PDXDC1: variants seen among roughly 807,000 people sequenced by gnomAD.
The protein encoded by PDXDC1 is pyridoxal-dependent decarboxylase domain-containing protein 1.
A neutral mutation model predicts 100.1 loss-of-function variants in PDXDC1; 42 were observed. The ratio of observed to expected loss-of-function variants is 0.42; its 90% confidence interval spans 0.33 to 0.54. The LOEUF (loss-of-function observed/expected upper bound fraction) is 0.54. Ranked by LOEUF, PDXDC1 falls within the 20% of genes least tolerant of loss-of-function variation. The pLI is 0.10. For missense variants in PDXDC1, 636 were observed against 979.2 expected (o/e 0.65, Z 4.68); for synonymous variants, 260 against 371.7 (o/e 0.70, Z 3.46).
Position 15,071,835 on chromosome 16 carries a change from C to T in PDXDC1, c.1399+41779C>T, listed in dbSNP as rs145481945. Among the ~76,000 whole-genome samples the T allele has an allele frequency of 5.4e-3, 816 of 152,204 alleles. 7 individuals are homozygous for T. Among genetic ancestry groups the T allele is most frequent in the African/African-American group, 0.018 (763 of 41,530 alleles). ...AGGTACAAATTCAATAGGTTTGTGA[C>T]AGGGCTTTGGAATCCACATATTACA... On this transcript the variant is annotated intron_variant, in intron 16 of 16. Coordinates refer to the PDXDC1 transcript ENST00000535621.
intron 6 of PDXDC1, among the ~76,000 whole-genome samples, chr16:15,007,069 A>G (rs1361536795): frequency 6.6e-6 from 1 of 151,886 alleles, no homozygotes; most frequent in Non-Finnish European, 1.5e-5. Flanking sequence ...TTCTCTGTGC[A>G]TAAAGCTCTT....
In PDXDC1 at chr16:15,031,963, T is replaced by C; in HGVS notation, c.1571+57T>C. ...GACTTTTCTGTATAAAGAACATGAGTGGGTCATTTTCTGAACCACCTTAGA... is the reference window on the plus strand; with the variant it reads ...GACTTTTCTGTATAAAGAACATGAGCGGGTCATTTTCTGAACCACCTTAGA... On this transcript the variant is annotated intron_variant, in intron 17 of 22. Coordinates refer to ENST00000396410, the MANE Select transcript of PDXDC1 (RefSeq NM_015027.4). 2.1e-6 allele frequency: 3 copies of C among 1,404,382 alleles called. No homozygotes were observed. In the South Asian group the frequency reaches 3.8e-5, roughly 18 times the overall value. The allele number at this position is 1,404,382 out of a possible 1,614,324, so 87.0% of individuals were successfully genotyped here.
chr16:15,008,535 A>G (rs1340603923), intron 6 of PDXDC1, among the ~76,000 whole-genome samples: 1 of 152,000 alleles, frequency 6.6e-6, no homozygotes, highest in Non-Finnish European at 1.5e-5. Flanking sequence ...AAAGATAATT[A>G]CTTGAATCAT....
At chr16:15,128,187 G>C in intron 16 of PDXDC1, 1 of 1,610,080 alleles carries the variant, frequency 6.2e-7, no homozygotes, top group Non-Finnish European at 8.5e-7. Context: ...CAACGCGGGG[G>C]CAGAGGGGCA....
intron 16 of PDXDC1, chr16:15,105,436 ATCT>A (rs1567255034): frequency 7.1e-6 from 1 of 140,918 alleles, no homozygotes; most frequent in Non-Finnish European, 1.2e-5. Flanking sequence ...TTGACAAAGG[ATCT>A]TCTTCACTCT....
downstream of PDXDC1, among the ~76,000 whole-genome samples, chr16:15,142,807 T>A (rs1219477413): frequency 2.7e-5 from 4 of 145,834 alleles, no homozygotes; most frequent in Admixed American, 6.8e-5. Flanking sequence ...TCTGATGCCC[T>A]GCCCCCACGT....
chr16:15,056,000 G>A (rs1321489403), intron 16 of PDXDC1: 1 of 1,168,662 alleles, frequency 8.6e-7, no homozygotes, highest in African/African-American at 1.6e-5. Flanking sequence ...GGCAGGCCCA[G>A]GGAGGCGGCG....
chr16:15,146,039 A>G, the PDXDC1 span, among the ~76,000 whole-genome samples: 2 of 152,144 alleles, frequency 1.3e-5, no homozygotes, highest in Non-Finnish European at 2.9e-5. Context: ...CAGTGGCAGA[A>G]CCACCCCATA....
chr16:14,994,459 G>A (rs1437570704), intron 1 of PDXDC1, among the ~76,000 whole-genome samples: 1 of 152,280 alleles, frequency 6.6e-6, no homozygotes, highest in Non-Finnish European at 1.5e-5. Flanking sequence ...TAGATATGCG[G>A]CATTATTTCT....
chr16:15,026,314 G>T (rs1173793936), intron 13 of PDXDC1: 51 of 404,984 alleles, frequency 1.3e-4, no homozygotes, highest in Non-Finnish European at 1.7e-4. Flanking sequence ...TCCGCACTGA[G>T]TCTAGTTTCA....
intron 16 of PDXDC1, among the ~76,000 whole-genome samples, chr16:15,066,806 C>T (rs62039512): frequency 2.0e-5 from 3 of 150,936 alleles, no homozygotes; most frequent in African/African-American, 7.3e-5. Flanking sequence ...GAATGGTACA[C>T]GCCTTTATTT....
intron 8 of PDXDC1, among the ~76,000 whole-genome samples, chr16:15,011,631 C>CTTTTTTTTTTTTTTTTTTGTTTTT (rs2041273980): frequency 7.6e-6 from 1 of 131,274 alleles, no homozygotes; most frequent in Non-Finnish European, 1.6e-5. Flanking sequence ...ACATTTTTTT[C>CTTTTTTTTTTTTTTTTTTGTTTTT]TTTTTTTTTT....
rs569754095 is a variant in PDXDC1 at position 15,057,917 on chromosome 16, G to C, written c.1399+27861G>C. ...ATCAATCTCCTAGGCTGAGTACTGT[G>C]TTAAAGGACTAAATGAGCCAGATAA... On this transcript the variant is annotated intron_variant, in intron 16 of 16. Transcript: ENST00000535621. Among the ~76,000 whole-genome samples, 8 of 152,234 alleles carry C rather than the reference G, an allele frequency of 5.3e-5. No homozygotes were observed. The South Asian group carries it at 1.2e-3, about 24-fold the overall frequency.
At chr16:15,035,939 T>A (rs1438185268) in intron 22 of PDXDC1, 77 bp from the exon 23 acceptor site, 1 of 1,411,782 alleles carries the variant, frequency 7.1e-7, no homozygotes, top group East Asian at 2.3e-5. Flanking sequence ...ATAAAGCAAT[T>A]ATCTGTTGCA....
chr16:15,079,109 C>A (rs1187979164), intron 16 of PDXDC1, among the ~76,000 whole-genome samples: 1 of 151,974 alleles, frequency 6.6e-6, no homozygotes, highest in Non-Finnish European at 1.5e-5. Context: ...CACGCCCGGC[C>A]TCCTCTTCAT....
intron 1 of PDXDC1, among the ~76,000 whole-genome samples, chr16:14,990,505 G>C (rs1242446556): frequency 6.6e-6 from 1 of 152,280 alleles, no homozygotes; most frequent in African/African-American, 2.4e-5. Flanking sequence ...AGTTTTAAGG[G>C]ATCAGTTAAT....
chr16:14,992,512 A>G (rs1971074566), intron 1 of PDXDC1, among the ~76,000 whole-genome samples: 1 of 152,286 alleles, frequency 6.6e-6, no homozygotes, highest in Admixed American at 6.5e-5. Flanking sequence ...CTTGACCATC[A>G]TATTCCTCAT....
intron 17 of PDXDC1, 163 bp from the exon 18 acceptor site, chr16:15,032,698 T>C: frequency 1.8e-6 from 1 of 545,858 alleles, no homozygotes; most frequent in Non-Finnish European, 3.3e-6. Context: ...TCTTTACTCC[T>C]GGCACACTTC....
chr16:15,044,357 T>G, intron 16 of PDXDC1: 1 of 1,613,014 alleles, frequency 6.2e-7, no homozygotes, highest in Non-Finnish European at 8.5e-7. Flanking sequence ...AGTGAGTTTT[T>G]GTGACAACTG....
Sources: allele counts gnomAD v4.1 joint callset (sites outside exome capture counted in the v4.1 genomes callset), GRCh38; gene constraint gnomAD v4.1.1; transcripts MANE v1.5; gene names NCBI Gene and HGNC (gene_info 2026-07-23, HGNC 2026-07-21).